Variants in RTKN2 observed in about 807,000 individuals in gnomAD.
RTKN2 encodes the protein rhotekin 2.
Under a neutral mutation model 71.5 loss-of-function variants are expected in RTKN2, and 69 were observed. The observed-to-expected ratio is 0.96, with a 90% CI of 0.79 to 1.18. The LOEUF (loss-of-function observed/expected upper bound fraction) is 1.18. Among genes scored for constraint, RTKN2 ranks in the 50% most tolerant of loss-of-function variants. The probability of loss-of-function intolerance (pLI) is 0.00; values close to 1 mark genes in which losing one functional copy is unlikely to be tolerated. For missense variants in RTKN2, 724 were observed against 719.7 expected (o/e 1.01, Z -0.07); for synonymous variants, 236 against 236.5 (o/e 1.00, Z 0.02).
intron 3 of RTKN2, among the ~76,000 whole-genome samples, chr10:62,245,504 T>C (rs924071724): frequency 2.6e-5 from 4 of 152,080 alleles, no homozygotes; most frequent in Non-Finnish European, 5.9e-5. Context: ...CTACAGGCAA[T>C]GAAGAGCAGC....
chr10:62,230,156 ATTTTTCTT>A (rs1355194902), intron 6 of RTKN2, among the ~76,000 whole-genome samples: 1 of 151,866 alleles, frequency 6.6e-6, no homozygotes, highest in African/African-American at 2.4e-5. Context: ...AGTTTCTATT[ATTTTTCTT>A]TTTTTCTTTT....
intron 10 of RTKN2, among the ~76,000 whole-genome samples, chr10:62,201,405 TAA>T (rs1841439073): frequency 6.6e-6 from 1 of 152,096 alleles, no homozygotes; most frequent in Admixed American, 6.5e-5. Context: ...AATTTCAAAA[TAA>T]GCCACACAGC....
chr10:62,236,301 T>C lies in RTKN2; in HGVS notation c.489-38A>G, dbSNP rs369059395. On this transcript the variant is annotated intron_variant, in intron 5 of 11. Transcript: ENST00000373789. ...GCATTCATAATGTTGGAAATTTAAC[T>C]CAGTAGAAAATAAAATTATACCATT... 4.7e-5 allele frequency: 63 copies of C among 1,331,226 alleles called. No individual in the cohort carries two copies. In the African/African-American group the frequency reaches 8.7e-4, roughly 18 times the overall value. The allele number at this position is 1,331,226 out of a possible 1,614,324, so 82.5% of individuals were successfully genotyped here. A position where few individuals can be genotyped will look rare whatever the true frequency, so the allele number is the denominator to read the frequency against.
chr10:62,239,881 T>C, intron 4 of RTKN2, 116 bp from the exon 5 acceptor site: 1 of 638,540 alleles, frequency 1.6e-6, no homozygotes, highest in Non-Finnish European at 2.8e-6. Flanking sequence ...TCATACATTG[T>C]ATACTGTAAC....
chr10:62,216,142 CTT>C (rs1841764432), intron 9 of RTKN2, among the ~76,000 whole-genome samples: 1 of 151,892 alleles, frequency 6.6e-6, no homozygotes, highest in Non-Finnish European at 1.5e-5. Context: ...AAACTCAAGT[CTT>C]TATAGATCAG....
intron 9 of RTKN2, among the ~76,000 whole-genome samples, chr10:62,206,439 T>C (rs1841550787): frequency 6.6e-6 from 1 of 151,986 alleles, no homozygotes; most frequent in East Asian, 1.9e-4. Flanking sequence ...CCCTGAAAAA[T>C]GGATAAATAC....
chr10:62,194,029 G>T lies in RTKN2; in HGVS notation c.*3879C>A, dbSNP rs1177115294. On this transcript the variant is annotated 3_prime_UTR_variant, in exon 12 of 12. Coordinates refer to ENST00000373789, the MANE Select transcript of RTKN2 (RefSeq NM_145307.4). ...GAATCAGTTCTTTTAATGTACAGAA[G>T]TTTCAATTACATGACTTGGGCTCGC... The T allele has an allele frequency of 5.1e-6, 5 of 984,092 alleles. No homozygotes were observed. Among genetic ancestry groups the T allele is most frequent in the Non-Finnish European group, 6.0e-6 (5 of 828,884 alleles). 61.0% of individuals were successfully genotyped at this position (984,092 alleles called of 1,614,324 possible).
chr10:62,243,885 G>A (rs1243052555), intron 3 of RTKN2, among the ~76,000 whole-genome samples: 2 of 152,074 alleles, frequency 1.3e-5, no homozygotes, highest in African/African-American at 4.8e-5. Context: ...GAAAACTAAG[G>A]TACTTGGTGA....
At chr10:62,184,162 T>A in exon 9 of RTKN2, 1 of 520,124 alleles carries the variant, frequency 1.9e-6, no homozygotes, top group Non-Finnish European at 3.4e-6. Flanking sequence ...TCTTAAATAT[T>A]CTTCTAAGGT....
intron 7 of RTKN2, among the ~76,000 whole-genome samples, chr10:62,221,481 T>C (rs948048393): frequency 6.6e-6 from 1 of 152,048 alleles, no homozygotes; most frequent in Non-Finnish European, 1.5e-5. Context: ...AAAAAAAAGA[T>C]TGTCAAATTA....
At chr10:62,201,422 G>A (rs776879066) in intron 10 of RTKN2, among the ~76,000 whole-genome samples, 3 of 152,054 alleles carry the variant, frequency 2.0e-5, no homozygotes, top group African/African-American at 7.2e-5. Context: ...CACAGCAACT[G>A]ATAAAGGGAA....
chr10:62,228,170 A>T (rs1457836090), intron 6 of RTKN2, among the ~76,000 whole-genome samples: 1 of 152,184 alleles, frequency 6.6e-6, no homozygotes, highest in Non-Finnish European at 1.5e-5. Context: ...ATGAAATTTA[A>T]TGAAAGTTAG....
chr10:62,261,328 C>A (rs911033191), intron 2 of RTKN2, among the ~76,000 whole-genome samples: 3 of 152,082 alleles, frequency 2.0e-5, no homozygotes, highest in Admixed American at 2.0e-4. Flanking sequence ...AAGGAAGGAA[C>A]TGAGGCACAA....
chr10:62,262,724 T>A lies in RTKN2; in HGVS notation c.158A>T (p.His53Leu), dbSNP rs772121719. The change falls in exon 2 of 12, where the codon CAT (histidine) becomes CTT (leucine). Residue 53 changes from histidine to leucine, a missense_variant. Physicochemically the swap from His to Leu is moderately conservative, Grantham distance 99. Transcript: ENST00000373789. The part of the protein sequence containing the change: ...SLSTQKDQVL[H>L]AVKNLMVCNA... ...GCACACCATGAGATTCTTAACTGCATGTAAAACTTGATCTTTCTGAGTGCT... is the reference window on the plus strand; with the variant it reads ...GCACACCATGAGATTCTTAACTGCAAGTAAAACTTGATCTTTCTGAGTGCT... 133 of 1,613,364 alleles carry A rather than the reference T, an allele frequency of 8.2e-5. No individual in the cohort carries two copies. Among genetic ancestry groups the A allele is most frequent in the Non-Finnish European group, 1.1e-4 (129 of 1,179,452 alleles).
chr10:62,204,912 A>G lies in RTKN2; in HGVS notation c.1131T>C (p.Asn377=). Residue 377 remains asparagine, a synonymous_variant, in exon 10 of 12, where the codon AAT becomes AAC. Transcript: ENST00000373789. ...QAITQIFAVD[N]REDLQKWMEA... ...CCATCCACTTCTGAAGATCTTCTCTATTGTCAACTGCAAAAATCTGAGTTA... is the reference window on the plus strand; with the variant it reads ...CCATCCACTTCTGAAGATCTTCTCTGTTGTCAACTGCAAAAATCTGAGTTA... 3 of 1,601,680 alleles carry G rather than the reference A, an allele frequency of 1.9e-6. No homozygotes were observed. The highest frequency in any genetic ancestry group is 3.5e-5 in the Admixed American group (2 of 57,628).
chr10:62,221,737 C>A (rs577688521), intron 7 of RTKN2, among the ~76,000 whole-genome samples: 12 of 151,968 alleles, frequency 7.9e-5, no homozygotes, highest in Non-Finnish European at 1.6e-4. Context: ...TTACTCCTAA[C>A]AAATAATTAG....
intron 1 of RTKN2, among the ~76,000 whole-genome samples, chr10:62,263,377 T>A (rs1842811550): frequency 6.6e-6 from 1 of 152,224 alleles, no homozygotes; most frequent in South Asian, 2.1e-4. Flanking sequence ...AATTCTTTCC[T>A]AGGGCCTGCA....
chr10:62,193,124 T>C lies in RTKN2; in HGVS notation c.*4784A>G. The C allele has an allele frequency of 1.8e-6, 1 of 566,024 alleles. No individual in the cohort carries two copies. Among genetic ancestry groups the C allele is most frequent in the Non-Finnish European group, 2.2e-6 (1 of 446,800 alleles). The allele number at this position is 566,024 out of a possible 1,614,324, so 35.1% of individuals were successfully genotyped here. Reference sequence around the variant, plus strand: ...TTATTAAGATTAAGTTCTACAAAAATGCATCCATTCATAATTTTGAGTAGA... The same window carrying C: ...TTATTAAGATTAAGTTCTACAAAAACGCATCCATTCATAATTTTGAGTAGA... On this transcript the variant is annotated 3_prime_UTR_variant, in exon 12 of 12. Coordinates refer to ENST00000373789, the MANE Select transcript of RTKN2 (RefSeq NM_145307.4).
At chr10:62,250,260 A>G (rs983183239) in intron 2 of RTKN2, among the ~76,000 whole-genome samples, 2 of 152,240 alleles carry the variant, frequency 1.3e-5, no homozygotes, top group African/African-American at 2.4e-5. Context: ...AAGGGCTCCA[A>G]AAGTACTTTG....
Sources: allele counts gnomAD v4.1 joint callset (sites outside exome capture counted in the v4.1 genomes callset), GRCh38; gene constraint gnomAD v4.1.1; transcripts MANE v1.5; gene names NCBI Gene and HGNC (gene_info 2026-07-23, HGNC 2026-07-21).